ITGA9: variants seen among roughly 807,000 people sequenced by gnomAD.
ITGA9 encodes integrin subunit alpha 9.
A neutral mutation model predicts 127.8 loss-of-function variants in ITGA9; 56 were observed. The ratio of observed to expected loss-of-function variants is 0.44; its 90% CI spans 0.35 to 0.55. The LOEUF is 0.55. ITGA9 is among the 20% of genes least tolerant of loss of function. The probability of loss-of-function intolerance (pLI) is 0.00; values close to 1 mark genes in which losing one functional copy is unlikely to be tolerated. For missense variants in ITGA9, 1,196 were observed against 1,347.1 expected, an observed-to-expected ratio of 0.89 and a Z score of 1.76; for synonymous variants, 508 against 514.5, an observed-to-expected ratio of 0.99 and a Z score of 0.17.
chr3:37,802,485 A>G (rs1011841816), intron 26 of ITGA9, among the ~76,000 whole-genome samples: 2 of 152,208 alleles, frequency 1.3e-5, no homozygotes, highest in African/African-American at 4.8e-5. Flanking sequence ...GCTTGGAGAA[A>G]GACCTGTGGT....
intron 16 of ITGA9, among the ~76,000 whole-genome samples, chr3:37,630,976 G>A (rs1377586807): frequency 2.6e-5 from 4 of 152,158 alleles, no homozygotes; most frequent in Non-Finnish European, 4.4e-5. Flanking sequence ...GCCTTGACTG[G>A]GAAGTACAGA....
At chr3:37,816,648 A>G (rs964654536) in intron 27 of ITGA9, among the ~76,000 whole-genome samples, 3 of 152,186 alleles carry the variant, frequency 2.0e-5, no homozygotes, top group Non-Finnish European at 4.4e-5. Flanking sequence ...AATTCTGGCC[A>G]AGCACCTTTT....
In ITGA9 at chr3:37,785,073, G is replaced by A; in HGVS notation, c.2884G>A (p.Val962Met). ...VEIAHGNPEE[V>M]TVVFEALHNL... ...AATAGCTCATGGGAACCCAGAAGAG[G>A]TGACGGTGAGTCAGCCACCCCAGGA... The change falls in exon 26 of 28, where the codon GTG (valine) becomes ATG (methionine). Residue 962 changes from valine to methionine, a missense_variant. Coordinates refer to ENST00000264741, the MANE Select transcript of ITGA9 (RefSeq NM_002207.3). 1 of 1,611,736 alleles carries A rather than the reference G, an allele frequency of 6.2e-7. No homozygotes were observed. Among genetic ancestry groups the A allele is most frequent in the Non-Finnish European group, 8.5e-7 (1 of 1,177,776 alleles).
chr3:37,802,153 C>G (rs116263516), intron 26 of ITGA9, among the ~76,000 whole-genome samples: 1,731 of 152,282 alleles, frequency 0.011, 39 homozygotes, highest in African/African-American at 0.037. Flanking sequence ...CTCTGGACCT[C>G]CATGTTCCCC....
chr3:37,665,267 G>A (rs1242425351), intron 17 of ITGA9, among the ~76,000 whole-genome samples: 1 of 152,036 alleles, frequency 6.6e-6, no homozygotes, highest in Admixed American at 6.5e-5. Flanking sequence ...GAGCCACTGT[G>A]CCTGGCCTAG....
At chr3:37,727,252 C>CTA in intron 18 of ITGA9, among the ~76,000 whole-genome samples, 1 of 152,120 alleles carries the variant, frequency 6.6e-6, no homozygotes, top group Non-Finnish European at 1.5e-5. Flanking sequence ...TTAAGTAGAA[C>CTA]CATCATAAGT....
chr3:37,641,459 G>T (rs1175610853), intron 16 of ITGA9, among the ~76,000 whole-genome samples: 2 of 152,120 alleles, frequency 1.3e-5, no homozygotes, highest in Non-Finnish European at 2.9e-5. Context: ...AAAGATGCCT[G>T]TTAGTCTGTC....
At chr3:37,725,982 C>G (rs551986844) in intron 18 of ITGA9, among the ~76,000 whole-genome samples, 11 of 152,198 alleles carry the variant, frequency 7.2e-5, no homozygotes, top group Non-Finnish European at 1.6e-4. Context: ...GGCTCAAGCC[C>G]GAAGGATTCC....
intron 18 of ITGA9, among the ~76,000 whole-genome samples, chr3:37,722,468 C>T (rs1266153191): frequency 6.6e-5 from 10 of 152,206 alleles, no homozygotes; most frequent in African/African-American, 2.4e-4. Context: ...CGTACCCCTT[C>T]CCCTATTTCC....
intron 15 of ITGA9, among the ~76,000 whole-genome samples, chr3:37,619,185 C>G (rs1489752525): frequency 2.1e-5 from 3 of 140,608 alleles, no homozygotes; most frequent in Non-Finnish European, 5.0e-5. Context: ...AAATGAGACT[C>G]TGCATGTAAC....
intron 26 of ITGA9, among the ~76,000 whole-genome samples, chr3:37,797,986 ATTTATTTTAT>A (rs568844363): frequency 1.5e-4 from 22 of 151,024 alleles, no homozygotes; most frequent in Non-Finnish European, 5.9e-5. Context: ...TACCCAACCT[ATTTATTTTAT>A]TTTATTTTAT....
intron 15 of ITGA9, among the ~76,000 whole-genome samples, chr3:37,549,362 A>C (rs973686945): frequency 6.6e-6 from 1 of 152,254 alleles, no homozygotes; most frequent in African/African-American, 2.4e-5. Flanking sequence ...TGCCCGCCTT[A>C]AGTCCTTTTT....
chr3:37,690,292 C>G (rs1700819557), intron 18 of ITGA9, among the ~76,000 whole-genome samples: 1 of 152,110 alleles, frequency 6.6e-6, no homozygotes, highest in Non-Finnish European at 1.5e-5. Flanking sequence ...AGAGGCTGCC[C>G]ATGTTGAACA....
chr3:37,709,582 C>T (rs1383833339), intron 18 of ITGA9, among the ~76,000 whole-genome samples: 4 of 152,308 alleles, frequency 2.6e-5, no homozygotes, highest in East Asian at 3.9e-4. Context: ...GGCAGCATTG[C>T]GGGAGGGCTC....
intron 18 of ITGA9, among the ~76,000 whole-genome samples, chr3:37,709,811 G>A (rs142202679): frequency 6.3e-4 from 96 of 152,334 alleles, no homozygotes; most frequent in African/African-American, 2.0e-3. Flanking sequence ...GGAAAGTCCG[G>A]AGTAGACAGC....
At chr3:37,758,151 G>T (rs995607769) in intron 23 of ITGA9, among the ~76,000 whole-genome samples, 2 of 149,288 alleles carry the variant, frequency 1.3e-5, no homozygotes, top group East Asian at 3.9e-4. Context: ...GTGAAACCCC[G>T]TCTCTACTAA....
intron 15 of ITGA9, among the ~76,000 whole-genome samples, chr3:37,551,374 GT>G (rs1699377086): frequency 6.6e-6 from 1 of 152,142 alleles, no homozygotes; most frequent in Non-Finnish European, 1.5e-5. Context: ...GGGACTGGGG[GT>G]TATTACCTCC....
At chr3:37,594,401 C>G (rs1349299403) in intron 15 of ITGA9, among the ~76,000 whole-genome samples, 1 of 152,184 alleles carries the variant, frequency 6.6e-6, no homozygotes, top group East Asian at 1.9e-4. Context: ...TCCTTTCCTT[C>G]TGGTAAAGCA....
chr3:37,706,786 C>T lies in ITGA9; in HGVS notation c.2067+22771C>T, dbSNP rs140115008. Among the ~76,000 whole-genome samples, 229 of 152,284 alleles carry T rather than the reference C, an allele frequency of 1.5e-3. 1 individual carries two copies. Among genetic ancestry groups the T allele is most frequent in the Middle Eastern group, 6.8e-3 (2 of 294 alleles). On this transcript the variant is annotated intron_variant, in intron 18 of 27. Transcript: ENST00000264741. ...CATAAACCATTTCTGACCCTGATCTCGGAACAGGATCCCAGAACAGTTCAA... is the reference window on the plus strand; with the variant it reads ...CATAAACCATTTCTGACCCTGATCTTGGAACAGGATCCCAGAACAGTTCAA...
Sources: gnomAD v4.1 joint callset for allele counts (sites outside exome capture counted in the v4.1 genomes callset) on GRCh38, gnomAD v4.1.1 for gene constraint, MANE v1.5 for transcripts, NCBI Gene and HGNC (gene_info 2026-07-23, HGNC 2026-07-21) for gene names.